Variants in CRYM observed in about 807,000 individuals in gnomAD.
The protein encoded by CRYM is crystallin mu.
In CRYM, 18 loss-of-function variants were observed where a neutral mutation model predicts 32.9. The ratio of observed to expected loss-of-function variants is 0.55; its 90% CI spans 0.38 to 0.81. The LOEUF is 0.81. Ranked by LOEUF, CRYM falls within the 30% of genes least tolerant of loss-of-function variation. The probability of loss-of-function intolerance (pLI) is 0.00; values close to 1 mark genes in which losing one functional copy is unlikely to be tolerated. For missense variants in CRYM, 337 were observed against 393.5 expected (o/e 0.86, Z 1.21); for synonymous variants, 153 against 152.4 (o/e 1.00, Z -0.03).
chr16:21,281,054 G>A (rs951294238), upstream of CRYM, among the ~76,000 whole-genome samples: 3 of 151,690 alleles, frequency 2.0e-5, no homozygotes, highest in African/African-American at 4.9e-5. Flanking sequence ...GCAGTGAGCC[G>A]AGATCGTGCC....
intron 3 of CRYM, among the ~76,000 whole-genome samples, chr16:21,274,320 G>A (rs934384382): frequency 6.6e-6 from 1 of 152,094 alleles, no homozygotes. Flanking sequence ...GTTTTTGCAT[G>A]GTTCGCTAAC....
intron 4 of CRYM, among the ~76,000 whole-genome samples, chr16:21,269,183 A>AATTACTTTT (rs1276516376): frequency 2.0e-5 from 3 of 151,746 alleles, no homozygotes; most frequent in Admixed American, 1.3e-4. Context: ...CCAAAACTGC[A>AATTACTTTT]ATTACTTTTG....
intron 1 of CRYM, among the ~76,000 whole-genome samples, chr16:21,286,689 A>G (rs1488491099): frequency 6.6e-6 from 1 of 152,222 alleles, no homozygotes; most frequent in East Asian, 1.9e-4. Flanking sequence ...TATGACTCAA[A>G]GAAAGTCAAG....
chr16:21,261,433 G>C, intron 6 of CRYM, 95 bp from the exon 7 acceptor site: 1 of 668,692 alleles, frequency 1.5e-6, no homozygotes, highest in Non-Finnish European at 2.6e-6. Flanking sequence ...AATTGGATAA[G>C]AGATAAATTT....
At chr16:21,302,678 AT>A (rs1253565789) in intron 1 of CRYM, among the ~76,000 whole-genome samples, 1 of 152,148 alleles carries the variant, frequency 6.6e-6, no homozygotes, top group African/African-American at 2.4e-5. Context: ...GTGTTTGCTA[AT>A]TGGCTCTCAG....
chr16:21,258,936 G>T, intron 7 of CRYM, 91 bp from the exon 8 acceptor site: 1 of 1,013,460 alleles, frequency 9.9e-7, no homozygotes, highest in Non-Finnish European at 1.6e-6. Context: ...CCTGATACAT[G>T]TCCATGTTGC....
At chr16:21,296,739 G>A (rs573759489) in intron 1 of CRYM, among the ~76,000 whole-genome samples, 69 of 152,324 alleles carry the variant, frequency 4.5e-4, no homozygotes, top group African/African-American at 1.6e-3. Context: ...CACTGAGGCC[G>A]GGGGCTCACG....
intron 4 of CRYM, among the ~76,000 whole-genome samples, chr16:21,269,423 T>C (rs1461912807): frequency 6.6e-6 from 1 of 152,170 alleles, no homozygotes; most frequent in Non-Finnish European, 1.5e-5. Flanking sequence ...CCCAGTTTCT[T>C]GATCCATAAC....
rs996989498 is a variant in CRYM at position 21,262,773 on chromosome 16, T to C, written c.674-615A>G. Among the ~76,000 whole-genome samples, 3 of 152,236 alleles carry C rather than the reference T, an allele frequency of 2.0e-5. No homozygotes were observed. The South Asian group carries it at 6.2e-4, about 31-fold the overall frequency. On this transcript the variant is annotated intron_variant, in intron 5 of 7. Coordinates refer to ENST00000572914, the MANE Select transcript of CRYM (RefSeq NM_001376256.1). ...GTTTTGCACGTACTATTTATGGTTC[T>C]CGCAAGTACATTTCAAAGTCTGGTT...
intron 1 of CRYM, among the ~76,000 whole-genome samples, chr16:21,293,964 G>C (rs1307015546): frequency 6.6e-6 from 1 of 152,186 alleles, no homozygotes; most frequent in Non-Finnish European, 1.5e-5. Context: ...CCACAAAGCA[G>C]AGGGAAATAG....
At chr16:21,266,958 G>A (rs993337000) in intron 5 of CRYM, among the ~76,000 whole-genome samples, 1 of 151,950 alleles carries the variant, frequency 6.6e-6, no homozygotes, top group South Asian at 2.1e-4. Flanking sequence ...AGTGAGCTGA[G>A]ATCTCGCCAC....
intron 1 of CRYM, among the ~76,000 whole-genome samples, chr16:21,292,958 G>A (rs1297626233): frequency 6.6e-6 from 1 of 151,938 alleles, no homozygotes; most frequent in Non-Finnish European, 1.5e-5. Flanking sequence ...ATGCATGGAT[G>A]GATGGATGGA....
At chr16:21,280,694 A>C (rs1406259166), upstream of CRYM, among the ~76,000 whole-genome samples, 1 of 152,234 alleles carries the variant, frequency 6.6e-6, no homozygotes, top group African/African-American at 2.4e-5. Flanking sequence ...ACACTTAAAG[A>C]AAAAAGCTAT....
upstream of CRYM, among the ~76,000 whole-genome samples, chr16:21,282,356 A>G (rs918541221): frequency 6.6e-6 from 1 of 152,182 alleles, no homozygotes; most frequent in Non-Finnish European, 1.5e-5. Flanking sequence ...CGTGCTTCCC[A>G]GCATAGGATC....
chr16:21,277,657 T>C lies in CRYM; in HGVS notation c.171-73A>G, dbSNP rs2152863304. On this transcript the variant is annotated intron_variant, in intron 1 of 7. Coordinates refer to ENST00000572914, the MANE Select transcript of CRYM (RefSeq NM_001376256.1). The surrounding 1 kb of genome is among the most constrained non-coding windows in gnomAD (Gnocchi z 4.2). ...GGTCTCTTAGAAAGTATCCATATAC[T>C]TTCCTTTTTCTTTCCTTCCTCACCA... 2 of 1,574,802 alleles carry C rather than the reference T, an allele frequency of 1.3e-6. No homozygotes were observed. The highest frequency in any genetic ancestry group is 8.7e-7 in the Non-Finnish European group (1 of 1,154,798).
chr16:21,270,314 C>T (rs982847246), intron 3 of CRYM, among the ~76,000 whole-genome samples: 5 of 151,670 alleles, frequency 3.3e-5, no homozygotes, highest in Non-Finnish European at 5.9e-5. Flanking sequence ...GATGGAGTCT[C>T]GCTCTGTCGC....
chr16:21,261,985 C>G, intron 6 of CRYM, 52 bp downstream of exon 6: 3 of 1,611,842 alleles, frequency 1.9e-6, no homozygotes, highest in Non-Finnish European at 2.5e-6. Context: ...ACCCTGGGAT[C>G]CAGGTGAGGC....
At chr16:21,302,316 C>CT (rs1308829008) in intron 1 of CRYM, among the ~76,000 whole-genome samples, 18 of 152,236 alleles carry the variant, frequency 1.2e-4, no homozygotes, top group African/African-American at 3.6e-4. Context: ...CTATTGTATC[C>CT]AACTCAGAGG....
At position 21,269,492 on chromosome 16, in the gene CRYM, AG is replaced by A. The variant is rs1169639868; in HGVS notation, c.489+297del. 2.0e-5 allele frequency among the ~76,000 whole-genome samples: 3 copies of A among 152,236 alleles called. No homozygotes were observed. The East Asian group carries it at 5.8e-4, about 29-fold the overall frequency. ...AAAAACATAATAGACAGGAGCTAAA[AG>A]GACAACTGAATGTATACAAGAGATA... is the stretch of plus-strand genomic sequence containing the variant. On this transcript the variant is annotated intron_variant, in intron 4 of 7. Coordinates refer to ENST00000572914, the MANE Select transcript of CRYM (RefSeq NM_001376256.1).
Sources: gnomAD v4.1 joint callset for allele counts (sites outside exome capture counted in the v4.1 genomes callset) on GRCh38, gnomAD v4.1.1 for gene constraint, Gnocchi (gnomAD v3.1) non-coding constraint, MANE v1.5 for transcripts, NCBI Gene and HGNC (gene_info 2026-07-23, HGNC 2026-07-21) for gene names.